ARHGAP28: variants seen among roughly 807,000 people sequenced by gnomAD.
ARHGAP28 encodes rho GTPase-activating protein 28.
A neutral mutation model predicts 90.7 loss-of-function variants in ARHGAP28; 56 were observed. The observed-to-expected ratio is 0.62, with a 90% CI of 0.50 to 0.77. ARHGAP28 has a LOEUF of 0.77. Among genes scored for constraint, ARHGAP28 ranks in the 30% least tolerant of loss-of-function variants. The probability of loss-of-function intolerance (pLI) is 0.00; values close to 1 mark genes in which losing one functional copy is unlikely to be tolerated. For missense variants in ARHGAP28, 869 were observed against 900.9 expected (o/e 0.96, Z 0.45); for synonymous variants, 308 against 323.3 (o/e 0.95, Z 0.51).
intron 3 of ARHGAP28, among the ~76,000 whole-genome samples, chr18:6,838,130 C>T (rs1567964795): frequency 6.6e-6 from 1 of 152,116 alleles, no homozygotes; most frequent in Non-Finnish European, 1.5e-5. Context: ...ATCACAGATG[C>T]GACAGATGCA....
intron 3 of ARHGAP28, among the ~76,000 whole-genome samples, chr18:6,841,207 TC>T (rs1379905171): frequency 0.11 from 4,006 of 38,026 alleles, 376 homozygotes; most frequent in East Asian, 0.14. Context: ...CTCTCTCCTC[TC>T]CTCTCTCTCT....
At chr18:6,853,565 T>G (rs1179688102) in intron 4 of ARHGAP28, among the ~76,000 whole-genome samples, 1 of 151,876 alleles carries the variant, frequency 6.6e-6, no homozygotes, top group Non-Finnish European at 1.5e-5. Context: ...CTCCGCCTCC[T>G]GAGTTCAAGT....
intron 2 of ARHGAP28, among the ~76,000 whole-genome samples, chr18:6,830,911 T>G (rs1045006796): frequency 5.3e-5 from 8 of 152,246 alleles, no homozygotes; most frequent in African/African-American, 9.6e-5. Context: ...TTATGAGCAA[T>G]CTTGTGAAAG....
rs371946883 is a variant in ARHGAP28 at position 6,909,512 on chromosome 18, C to A, written c.2095+488C>A. On this transcript the variant is annotated intron_variant, in intron 17 of 17. Transcript: ENST00000383472. The stretch of plus-strand genomic sequence containing the variant: ...TTCACCATGTTGGCCAGGCTGGTCT[C>A]GAACTCCTGACCTCAAGTGATCCAC... Among the ~76,000 whole-genome samples the A allele has an allele frequency of 2.6e-3, 391 of 151,638 alleles. 4 individuals are homozygous for A. Among genetic ancestry groups the A allele is most frequent in the African/African-American group, 8.5e-3 (353 of 41,306 alleles).
chr18:6,892,521 C>G (rs2057274074), intron 14 of ARHGAP28, among the ~76,000 whole-genome samples: 2 of 152,098 alleles, frequency 1.3e-5, no homozygotes, highest in Admixed American at 1.3e-4. Flanking sequence ...GCTTTTTCTC[C>G]TTGTGTAGGA....
intron 3 of ARHGAP28, among the ~76,000 whole-genome samples, chr18:6,850,051 G>A (rs1428365857): frequency 1.3e-5 from 2 of 151,808 alleles, no homozygotes; most frequent in African/African-American, 2.4e-5. Context: ...CATTATTCTT[G>A]TAGAGACTTA....
intron 1 of ARHGAP28, among the ~76,000 whole-genome samples, chr18:6,739,606 A>G (rs1186600821): frequency 1.3e-5 from 2 of 151,238 alleles, no homozygotes; most frequent in East Asian, 3.9e-4. Flanking sequence ...TTAAAACTAG[A>G]CAAAATGTTC....
chr18:6,772,885 C>T (rs1364287794), intron 1 of ARHGAP28, among the ~76,000 whole-genome samples: 1 of 151,942 alleles, frequency 6.6e-6, no homozygotes, highest in Non-Finnish European at 1.5e-5. Context: ...GGATTATAGG[C>T]ATGCATCACC....
chr18:6,801,017 T>C (rs2143624386), intron 1 of ARHGAP28, among the ~76,000 whole-genome samples: 1 of 152,346 alleles, frequency 6.6e-6, no homozygotes, highest in East Asian at 1.9e-4. Context: ...AGCAGAGGAA[T>C]TGTAAGTCAT....
intron 1 of ARHGAP28, 127 bp from the exon 2 acceptor site, chr18:6,824,635 A>T (rs1216514814): frequency 1.2e-6 from 1 of 832,298 alleles, no homozygotes; most frequent in East Asian, 2.7e-5. Context: ...ACCTATCTCA[A>T]CCATGGTTAC....
intron 1 of ARHGAP28, among the ~76,000 whole-genome samples, chr18:6,788,259 C>T (rs376765513): frequency 1.9e-4 from 29 of 152,218 alleles, no homozygotes; most frequent in East Asian, 1.4e-3. Context: ...CCTCCTGCTC[C>T]GGCCAGGTGA....
intron 1 of ARHGAP28, among the ~76,000 whole-genome samples, chr18:6,797,688 G>A (rs2056451302): frequency 6.6e-6 from 1 of 150,728 alleles, no homozygotes; most frequent in African/African-American, 2.4e-5. Flanking sequence ...TTAAGTCGCA[G>A]TCTCACTCTG....
intron 1 of ARHGAP28, among the ~76,000 whole-genome samples, chr18:6,805,978 G>A (rs905050733): frequency 2.0e-5 from 3 of 152,042 alleles, no homozygotes; most frequent in African/African-American, 7.2e-5. Flanking sequence ...TCCGCCTCCC[G>A]GGTTCAAGCA....
At chr18:6,897,092 T>C (rs567729135) in intron 16 of ARHGAP28, 2 of 153,414 alleles carry the variant, frequency 1.3e-5, no homozygotes, top group South Asian at 2.0e-4. Context: ...TTTTGTACTT[T>C]TAGTAGAGAC....
At chr18:6,815,847 G>C (rs1003138682) in intron 1 of ARHGAP28, among the ~76,000 whole-genome samples, 8 of 151,358 alleles carry the variant, frequency 5.3e-5, no homozygotes, top group African/African-American at 1.9e-4. Context: ...TACTTGCATA[G>C]TGCTGTACTC....
chr18:6,828,287 C>T (rs1420114892), intron 2 of ARHGAP28, among the ~76,000 whole-genome samples: 2 of 152,070 alleles, frequency 1.3e-5, no homozygotes, highest in Non-Finnish European at 2.9e-5. Context: ...TTGCAGTGAG[C>T]CGAGATGGCA....
At chr18:6,906,595 C>A (rs1182528193) in intron 16 of ARHGAP28, among the ~76,000 whole-genome samples, 3 of 152,150 alleles carry the variant, frequency 2.0e-5, no homozygotes, top group African/African-American at 7.2e-5. Context: ...AATAAATAAA[C>A]CTCGATCTAA....
intron 1 of ARHGAP28, among the ~76,000 whole-genome samples, chr18:6,736,758 A>C (rs1289755914): frequency 2.3e-5 from 3 of 133,322 alleles, no homozygotes; most frequent in East Asian, 4.1e-4. Context: ...AAAAAAAAAA[A>C]CAAAAAACAG....
Position 6,870,616 on chromosome 18 carries a change from C to G in ARHGAP28, c.838C>G (p.Pro280Ala), listed in dbSNP as rs774085134. The change falls in exon 7 of 18, where the codon CCA becomes GCA. Residue 280 changes from proline (P) to alanine (A), a missense_variant. By Grantham distance (27) the Pro-to-Ala change is conservative. Transcript: ENST00000383472. ...SDDDFLEKNI[P>A]PEAEELSFEV... ...TGATGATTTTCTGGAAAAGAACATT[C>G]CACCAGAGGCTGAAGAGCTGTCATT... 3 of 1,612,392 alleles carry G rather than the reference C, an allele frequency of 1.9e-6. No homozygotes were observed. Among genetic ancestry groups the G allele is most frequent in the Non-Finnish European group, 2.5e-6 (3 of 1,179,098 alleles).
Sources: gnomAD v4.1 joint callset for allele counts (sites outside exome capture counted in the v4.1 genomes callset) on GRCh38, gnomAD v4.1.1 for gene constraint, MANE v1.5 for transcripts, NCBI Gene and HGNC (gene_info 2026-07-23, HGNC 2026-07-21) for gene names.